Variants in CNTNAP5 observed in about 807,000 individuals in gnomAD.
The protein encoded by CNTNAP5 is contactin associated protein family member 5.
CNTNAP5 carries 72 observed loss-of-function variants against 150.2 expected under a neutral mutation model. The observed-to-expected ratio is 0.48, with a 90% CI of 0.40 to 0.58. The LOEUF (loss-of-function observed/expected upper bound fraction) is 0.58. Among genes scored for constraint, CNTNAP5 ranks in the 20% least tolerant of loss-of-function variants. The pLI is 0.00. For missense variants in CNTNAP5, 1,636 were observed against 1,626.2 expected (o/e 1.01, Z -0.10); for synonymous variants, 672 against 619.8 (o/e 1.08, Z -1.25).
intron 13 of CNTNAP5, among the ~76,000 whole-genome samples, chr2:124,703,745 A>G (rs1679574747): frequency 6.6e-6 from 1 of 152,162 alleles, no homozygotes; most frequent in Non-Finnish European, 1.5e-5. Flanking sequence ...TTCTACCTGC[A>G]TTGCAGCTGC....
In CNTNAP5 at chr2:124,387,375, A is replaced by G. The variant is rs144905418; in HGVS notation, c.382-30068A>G. Among the ~76,000 whole-genome samples the G allele has an allele frequency of 3.4e-3, 519 of 152,358 alleles. 3 individuals are homozygous for G. Among genetic ancestry groups the G allele is most frequent in the African/African-American group, 0.012 (479 of 41,582 alleles). Reference sequence around the variant, plus strand: ...TGAGATCAAAGTTTCATGCGCGTCCATGTGAAGAGACTACCAAACAGGCTT... The same window carrying G: ...TGAGATCAAAGTTTCATGCGCGTCCGTGTGAAGAGACTACCAAACAGGCTT... On this transcript the variant is annotated intron_variant, in intron 3 of 23. Transcript: ENST00000682447.
chr2:124,766,463 C>G (rs1681071496), intron 16 of CNTNAP5, among the ~76,000 whole-genome samples: 1 of 151,590 alleles, frequency 6.6e-6, no homozygotes, highest in African/African-American at 2.4e-5. Flanking sequence ...TGCAAATTAC[C>G]AAGCAGCTAA....
intron 11 of CNTNAP5, among the ~76,000 whole-genome samples, chr2:124,606,218 A>G (rs992559742): frequency 9.2e-5 from 14 of 152,206 alleles, no homozygotes; most frequent in Non-Finnish European, 7.3e-5. Flanking sequence ...CATATCACCA[A>G]AATAGTAATC....
chr2:124,389,511 C>T (rs1255116786), intron 3 of CNTNAP5, among the ~76,000 whole-genome samples: 1 of 151,924 alleles, frequency 6.6e-6, no homozygotes, highest in African/African-American at 2.4e-5. Context: ...TTTTGTCAGA[C>T]AAAAAAATTC....
At chr2:124,066,216 G>A (rs1259584817) in intron 1 of CNTNAP5, among the ~76,000 whole-genome samples, 1 of 152,128 alleles carries the variant, frequency 6.6e-6, no homozygotes, top group Non-Finnish European at 1.5e-5. Context: ...ATCTTGAAAA[G>A]CATTATGGAT....
chr2:124,843,054 T>A (rs1682975955), intron 19 of CNTNAP5, among the ~76,000 whole-genome samples: 1 of 152,018 alleles, frequency 6.6e-6, no homozygotes, highest in Admixed American at 6.6e-5. Flanking sequence ...TTCCTCACTA[T>A]GCCCCCACCC....
rs1486011110 is a variant in CNTNAP5 at position 124,025,343 on chromosome 2, C to G, written c.-308C>G. 2 of 337,828 alleles carry G rather than the reference C, an allele frequency of 5.9e-6. No individual in the cohort carries two copies. Among genetic ancestry groups the G allele is most frequent in the Non-Finnish European group, 1.1e-5 (2 of 177,166 alleles). 20.9% of individuals were successfully genotyped at this position (337,828 alleles called of 1,614,324 possible). ...TTGGCTGTCCACCGAGCTCCGGCGC[C>G]TGTCGTTCTAATTGGGTTTGGATTT... On this transcript the variant is annotated 5_prime_UTR_variant, in exon 1 of 24. Transcript: ENST00000682447.
Position 124,553,937 on chromosome 2 carries a change from A to C in CNTNAP5, c.1650-9280A>C, listed in dbSNP as rs201626251. Among the ~76,000 whole-genome samples, 14 of 152,312 alleles carry C rather than the reference A, an allele frequency of 9.2e-5. No individual in the cohort carries two copies. In the East Asian group the frequency reaches 2.5e-3, roughly 27 times the overall value. On this transcript the variant is annotated intron_variant, in intron 10 of 23. Transcript: ENST00000682447. ...AGGGCCAAAGGTGGGATTTAAGAAC[A>C]GAATTGTGAGCCAAGGCAGGTGCCG...
chr2:124,197,077 C>G (rs1573827729), intron 1 of CNTNAP5, among the ~76,000 whole-genome samples: 1 of 152,188 alleles, frequency 6.6e-6, no homozygotes, highest in Non-Finnish European at 1.5e-5. Context: ...CTTCATTCTA[C>G]TATCCTGTTT....
chr2:124,683,368 A>G (rs1679113519), intron 13 of CNTNAP5, among the ~76,000 whole-genome samples: 1 of 152,198 alleles, frequency 6.6e-6, no homozygotes, highest in African/African-American at 2.4e-5. Context: ...CTGAACTGTA[A>G]AACTTTTTTT....
At chr2:124,372,979 G>T (rs557184807) in intron 3 of CNTNAP5, among the ~76,000 whole-genome samples, 4 of 152,176 alleles carry the variant, frequency 2.6e-5, no homozygotes, top group African/African-American at 9.6e-5. Flanking sequence ...ACTTGACATA[G>T]ATATAAAAGA....
rs556954293 is a variant in CNTNAP5, at chr2:124,202,876, G to A, written c.83-18829G>A. 7.9e-5 allele frequency among the ~76,000 whole-genome samples: 12 copies of A among 152,216 alleles called. No individual in the cohort carries two copies. The East Asian group carries it at 1.4e-3, about 17-fold the overall frequency. On this transcript the variant is annotated intron_variant, in intron 1 of 23. Transcript: ENST00000682447. ...AATTATGGGAGCTACAATTCAAGAC[G>A]AAATTTGAGTGAGGACACAGCCAGA...
intron 13 of CNTNAP5, among the ~76,000 whole-genome samples, chr2:124,731,458 C>T (rs1024387737): frequency 6.6e-6 from 1 of 151,126 alleles, no homozygotes; most frequent in South Asian, 2.1e-4. Flanking sequence ...TGTGCTAAGG[C>T]GTTTAAAAAG....
chr2:124,620,755 A>G (rs1185825389), intron 12 of CNTNAP5, among the ~76,000 whole-genome samples: 2 of 127,870 alleles, frequency 1.6e-5, no homozygotes, highest in African/African-American at 3.4e-5. Flanking sequence ...GCACACACAC[A>G]CACACACACA....
chr2:124,092,768 C>T (rs373199943), intron 1 of CNTNAP5, among the ~76,000 whole-genome samples: 1 of 152,166 alleles, frequency 6.6e-6, no homozygotes, highest in East Asian at 1.9e-4. Context: ...ATGCTTGTCT[C>T]TTGCTTTTTA....
Position 124,824,115 on chromosome 2 carries a change from G to A in CNTNAP5, c.3217+25795G>A, listed in dbSNP as rs974851338. ...GTATTTTTAGTAGAGATGGGTTTTC[G>A]TCATGTTGGCCAGGCTGGTCTTGAA... On this transcript the variant is annotated intron_variant, in intron 19 of 23. Transcript: ENST00000682447. Among the ~76,000 whole-genome samples the A allele has an allele frequency of 4.6e-5, 7 of 151,394 alleles. No homozygotes were observed. The South Asian group carries it at 8.4e-4, about 18-fold the overall frequency.
Position 124,764,094 on chromosome 2 carries a change from G to T in CNTNAP5, c.2480G>T (p.Gly827Val). 1 of 1,613,138 alleles carries T rather than the reference G, an allele frequency of 6.2e-7. No individual in the cohort carries two copies. The highest frequency in any genetic ancestry group is 8.5e-7 in the Non-Finnish European group (1 of 1,179,328). Residue 827 changes from glycine to valine, a missense_variant, in exon 16 of 24, where the codon GGA becomes GTA. By Grantham distance (109) the Gly-to-Val change is moderately radical. Transcript: ENST00000682447. ...SFFFKTTALS[G>V]VFLENLGIKD... ...TTTTTTAAAACCACAGCATTATCCGGAGTTTTCCTAGAAAATCTTGGCATT... is the reference window on the plus strand; with the variant it reads ...TTTTTTAAAACCACAGCATTATCCGTAGTTTTCCTAGAAAATCTTGGCATT...
chr2:124,667,328 A>G (rs915145954), intron 13 of CNTNAP5, among the ~76,000 whole-genome samples: 1 of 152,228 alleles, frequency 6.6e-6, no homozygotes, highest in African/African-American at 2.4e-5. Flanking sequence ...TCCAGGTGCC[A>G]CAGAATTCTA....
intron 3 of CNTNAP5, among the ~76,000 whole-genome samples, chr2:124,415,591 G>C (rs1478935203): frequency 6.6e-6 from 1 of 152,276 alleles, no homozygotes; most frequent in South Asian, 2.1e-4. Flanking sequence ...TCTTTTCATT[G>C]GTTGACATTG....
Sources: gnomAD v4.1 joint callset for allele counts (sites outside exome capture counted in the v4.1 genomes callset) on GRCh38, gnomAD v4.1.1 for gene constraint, MANE v1.5 for transcripts, NCBI Gene and HGNC (gene_info 2026-07-23, HGNC 2026-07-21) for gene names.